The following LARGE1 variants were observed in gnomAD, a reference collection of about 807,000 sequenced individuals.
LARGE1 encodes xylosyl- and glucuronyltransferase LARGE1.
LARGE1 carries 43 observed loss-of-function variants against 87.6 expected under a neutral mutation model. The observed-to-expected ratio is 0.49, with a 90% CI of 0.38 to 0.63. The LOEUF is 0.63. Among genes scored for constraint, LARGE1 ranks in the 30% least tolerant of loss-of-function variants. LARGE1 has a pLI of 0.00. For missense variants in LARGE1, 802 were observed against 1,000.2 expected (o/e 0.80, Z 2.67); for synonymous variants, 434 against 394.6 (o/e 1.10, Z -1.18).
intron 12 of LARGE1, among the ~76,000 whole-genome samples, chr22:33,302,694 G>T (rs557928351): frequency 6.6e-6 from 1 of 152,180 alleles, no homozygotes; most frequent in South Asian, 2.1e-4. Flanking sequence ...GCAAGAGAAC[G>T]AGAGAGAAAG....
At chr22:33,276,088 A>G (rs1008986602) in intron 14 of LARGE1, among the ~76,000 whole-genome samples, 28 of 152,132 alleles carry the variant, frequency 1.8e-4, no homozygotes, top group Non-Finnish European at 2.9e-5. Flanking sequence ...TCTCCTGGTG[A>G]TTCTCATGAA....
At chr22:33,451,090 A>G (rs8140002) in intron 6 of LARGE1, among the ~76,000 whole-genome samples, 50,213 of 151,948 alleles carry the variant, frequency 0.33, 9,025 homozygotes, top group African/African-American at 0.46. Context: ...CAAGGACAAC[A>G]CAGCTACAAT....
chr22:33,848,234 A>C (rs2063488388), intron 1 of LARGE1, among the ~76,000 whole-genome samples: 1 of 152,198 alleles, frequency 6.6e-6, no homozygotes, highest in Non-Finnish European at 1.5e-5. Flanking sequence ...TTAGGAAAAG[A>C]CTAGTTGAAA....
At chr22:33,247,015 A>C (rs192138263) in intron 11 of LARGE1, among the ~76,000 whole-genome samples, 1 of 151,334 alleles carries the variant, frequency 6.6e-6, no homozygotes, top group African/African-American at 2.4e-5. Context: ...AGACACTGTG[A>C]AAATTTTTAC....
intron 1 of LARGE1, among the ~76,000 whole-genome samples, chr22:33,835,205 T>C (rs1418096633): frequency 2.0e-5 from 3 of 152,240 alleles, no homozygotes; most frequent in African/African-American, 4.8e-5. Context: ...TATGGTGGTA[T>C]AATATTTTAC....
chr22:33,086,092 C>T, the LARGE1 span, among the ~76,000 whole-genome samples: 8 of 151,978 alleles, frequency 5.3e-5, no homozygotes, highest in Middle Eastern at 3.2e-3. Context: ...GAATATGCTT[C>T]GGAAAAATAT....
chr22:33,297,285 T>A (rs1025408293), intron 12 of LARGE1, among the ~76,000 whole-genome samples: 1 of 152,174 alleles, frequency 6.6e-6, no homozygotes, highest in African/African-American at 2.4e-5. Context: ...AGTGTCAGAA[T>A]ACAGTCTCTA....
Position 33,273,064 on chromosome 22 carries a change from G to A in LARGE1, c.*1363C>T. On this transcript the variant is annotated 3_prime_UTR_variant, in exon 15 of 15. Coordinates refer to ENST00000397394, the MANE Select transcript of LARGE1 (RefSeq NM_133642.5). ...TGTGTCTCAGTAGCTTCCTGCAAGA[G>A]TGGGAGGGGAATGGGGAAGAAACAG... The A allele has an allele frequency of 4.9e-6, 1 of 204,946 alleles. No homozygotes were observed. Among genetic ancestry groups the A allele is most frequent in the Non-Finnish European group, 9.7e-6 (1 of 103,118 alleles). The allele number at this position is 204,946 out of a possible 1,614,324, so 12.7% of individuals were successfully genotyped here. A position where few individuals can be genotyped will look rare whatever the true frequency, so the allele number is the denominator to read the frequency against.
intron 6 of LARGE1, among the ~76,000 whole-genome samples, chr22:33,472,472 G>C (rs1051227605): frequency 6.6e-6 from 1 of 152,004 alleles, no homozygotes; most frequent in Admixed American, 6.6e-5. Context: ...ATTCCTAGTG[G>C]GGTATTTTGG....
chr22:33,358,222 G>T (rs938016496), intron 9 of LARGE1, among the ~76,000 whole-genome samples: 1 of 152,168 alleles, frequency 6.6e-6, no homozygotes, highest in African/African-American at 2.4e-5. Context: ...AATGAAACCG[G>T]CACTGGCCTG....
chr22:33,803,007 G>C (rs148383031), intron 1 of LARGE1, among the ~76,000 whole-genome samples: 2 of 152,198 alleles, frequency 1.3e-5, no homozygotes, highest in African/African-American at 4.8e-5. Flanking sequence ...CAGGAAGATG[G>C]GTGGATAGAT....
intron 11 of LARGE1, among the ~76,000 whole-genome samples, chr22:33,310,441 G>A (rs1407229574): frequency 6.6e-6 from 1 of 152,076 alleles, no homozygotes; most frequent in African/African-American, 2.4e-5. Context: ...CTGCTGGGAT[G>A]GGAGGGAAGG....
chr22:33,621,737 A>G (rs2079761030), intron 4 of LARGE1, among the ~76,000 whole-genome samples: 1 of 152,190 alleles, frequency 6.6e-6, no homozygotes, highest in Admixed American at 6.5e-5. Context: ...ACTCATCACC[A>G]GCATATCAAT....
At chr22:33,146,720 G>GA in the LARGE1 span, among the ~76,000 whole-genome samples, 153 of 151,466 alleles carry the variant, frequency 1.0e-3, no homozygotes, top group African/African-American at 3.6e-3. Flanking sequence ...AGACTTTGGG[G>GA]AAAAAAAATC....
At chr22:33,314,945 C>T (rs754964631) in intron 11 of LARGE1, among the ~76,000 whole-genome samples, 1 of 152,154 alleles carries the variant, frequency 6.6e-6, no homozygotes, top group Non-Finnish European at 1.5e-5. Flanking sequence ...TGCAGGGGCT[C>T]ACACTTGTAA....
At chr22:33,570,804 C>T (rs1002446956) in intron 5 of LARGE1, among the ~76,000 whole-genome samples, 12 of 152,056 alleles carry the variant, frequency 7.9e-5, no homozygotes, top group African/African-American at 2.4e-5. Context: ...GGGGCAGTCT[C>T]TCCATGCAAT....
At chr22:33,178,138 C>G (rs1325882728) in intron 11 of LARGE1, among the ~76,000 whole-genome samples, 2 of 152,152 alleles carry the variant, frequency 1.3e-5, no homozygotes, top group African/African-American at 4.8e-5. Context: ...ACTAATACAT[C>G]ACTTTTATTT....
intron 5 of LARGE1, among the ~76,000 whole-genome samples, chr22:33,603,222 G>A (rs2079158521): frequency 6.6e-6 from 1 of 152,118 alleles, no homozygotes; most frequent in Admixed American, 6.5e-5. Context: ...AAAATGCTAT[G>A]GCTCTAAAAT....
chr22:33,095,760 G>T, the LARGE1 span, among the ~76,000 whole-genome samples: 1 of 152,176 alleles, frequency 6.6e-6, no homozygotes, highest in East Asian at 1.9e-4. Context: ...AGGTCACAGA[G>T]AATAAGATGT....
Sources: gnomAD v4.1 joint callset for allele counts (sites outside exome capture counted in the v4.1 genomes callset) on GRCh38, gnomAD v4.1.1 for gene constraint, MANE v1.5 for transcripts, NCBI Gene and HGNC (gene_info 2026-07-23, HGNC 2026-07-21) for gene names.